Variants in EVA1C observed in about 807,000 individuals in gnomAD.
EVA1C encodes protein eva-1 homolog C.
A neutral mutation model predicts 45.4 loss-of-function variants in EVA1C; 25 were observed. That is an observed-to-expected ratio of 0.55 (90% CI 0.40 to 0.77). The LOEUF is 0.77. Ranked by LOEUF, EVA1C falls within the 30% of genes least tolerant of loss-of-function variation. The pLI is 0.00. For synonymous variants in EVA1C, 190 were observed against 221.2 expected, an observed-to-expected ratio of 0.86 and a Z score of 1.25; for missense variants, 479 against 554.8, an observed-to-expected ratio of 0.86 and a Z score of 1.37.
chr21:32,450,146 G>A (rs1211819928), intron 1 of EVA1C, among the ~76,000 whole-genome samples: 2 of 152,212 alleles, frequency 1.3e-5, no homozygotes, highest in African/African-American at 2.4e-5. Flanking sequence ...GGCATGGATT[G>A]GAGGCTCAGG....
intron 7 of EVA1C, among the ~76,000 whole-genome samples, chr21:32,511,419 C>CAAAAAAAAAAAA (rs749141703): frequency 1.5e-4 from 7 of 47,548 alleles, no homozygotes; most frequent in Admixed American, 2.9e-4. Context: ...AACTCCGTCT[C>CAAAAAAAAAAAA]AAAAAAAAAA....
intron 4 of EVA1C, among the ~76,000 whole-genome samples, chr21:32,491,060 A>T (rs1353197162): frequency 1.3e-5 from 2 of 152,236 alleles, no homozygotes; most frequent in Non-Finnish European, 2.9e-5. Context: ...GGTGAGAGCA[A>T]TACACAGAAC....
chr21:32,487,112 G>C (rs751719318), intron 4 of EVA1C, among the ~76,000 whole-genome samples: 2 of 152,142 alleles, frequency 1.3e-5, no homozygotes, highest in Non-Finnish European at 2.9e-5. Context: ...GAAGATGAAA[G>C]GAACGTCTTT....
chr21:32,415,269 A>G (rs762357268), intron 1 of EVA1C, among the ~76,000 whole-genome samples: 6 of 152,210 alleles, frequency 3.9e-5, no homozygotes, highest in African/African-American at 7.2e-5. Context: ...CCAGGGCTAG[A>G]GAGCAGTGTT....
intron 1 of EVA1C, among the ~76,000 whole-genome samples, chr21:32,428,179 T>C (rs1432424095): frequency 2.6e-5 from 4 of 152,336 alleles, no homozygotes; most frequent in African/African-American, 9.6e-5. Context: ...TGGAGGCGAC[T>C]TTCTGCTCAA....
chr21:32,446,883 A>T (rs2035381184), intron 1 of EVA1C, among the ~76,000 whole-genome samples: 1 of 151,954 alleles, frequency 6.6e-6, no homozygotes, highest in African/African-American at 2.4e-5. Flanking sequence ...CACTCCTCAA[A>T]CAACTCGTGG....
At position 32,496,644 on chromosome 21, in the gene EVA1C, C is replaced by T. The variant is rs139899680; in HGVS notation, c.778+1474C>T. On this transcript the variant is annotated intron_variant, in intron 5 of 7. Coordinates refer to ENST00000300255, the MANE Select transcript of EVA1C (RefSeq NM_058187.5). ...ATAGCTCCTCTGGTAGAATGGAGGA[C>T]GGTAGACTGGACACGGGTCACACTG... is the stretch of plus-strand genomic sequence containing the variant. Among the ~76,000 whole-genome samples the T allele has an allele frequency of 1.2e-4, 19 of 152,244 alleles. No homozygotes were observed. The South Asian group carries it at 2.1e-3, about 17-fold the overall frequency.
intron 1 of EVA1C, among the ~76,000 whole-genome samples, chr21:32,422,503 A>G (rs2034319341): frequency 6.6e-6 from 1 of 152,236 alleles, no homozygotes; most frequent in African/African-American, 2.4e-5. Context: ...AAGATAAATA[A>G]AATAAATTTA....
intron 3 of EVA1C, among the ~76,000 whole-genome samples, chr21:32,463,234 T>C (rs1441961029): frequency 1.3e-5 from 2 of 152,188 alleles, no homozygotes; most frequent in African/African-American, 4.8e-5. Context: ...ATTGCTCTTG[T>C]CATTTAAGCA....
At chr21:32,427,616 G>A (rs1312571708) in intron 1 of EVA1C, among the ~76,000 whole-genome samples, 1 of 152,064 alleles carries the variant, frequency 6.6e-6, no homozygotes, top group Non-Finnish European at 1.5e-5. Flanking sequence ...GGGAGGCTGA[G>A]GCAGGAGAAT....
intron 4 of EVA1C, among the ~76,000 whole-genome samples, chr21:32,475,326 C>T (rs1601365311): frequency 6.6e-6 from 1 of 150,400 alleles, no homozygotes; most frequent in Non-Finnish European, 1.5e-5. Flanking sequence ...AGAGCATTTC[C>T]AGTTCTTCTA....
intron 7 of EVA1C, among the ~76,000 whole-genome samples, chr21:32,510,676 G>T (rs112279042): frequency 0.01 from 1,527 of 152,246 alleles, 30 homozygotes; most frequent in African/African-American, 0.035. Flanking sequence ...TTCATCCCTG[G>T]TTTTCAGATA....
rs200568610 is a variant in EVA1C at position 32,415,583 on chromosome 21, A to AT, written c.160+2579dup. Among the ~76,000 whole-genome samples the AT allele has an allele frequency of 8.5e-4, 128 of 150,310 alleles. No individual in the cohort carries two copies. The East Asian group carries it at 0.015, about 18-fold the overall frequency. On this transcript the variant is annotated intron_variant, in intron 1 of 7. Coordinates refer to ENST00000300255, the MANE Select transcript of EVA1C (RefSeq NM_058187.5). ...CTGGTGTCGTTTTCCTGGGTCATTG[A>AT]TTTTTTTTTGCCCTCAGGGATTCCA... is the stretch of plus-strand genomic sequence containing the variant.
intron 1 of EVA1C, among the ~76,000 whole-genome samples, chr21:32,420,913 G>C (rs1296226093): frequency 6.6e-6 from 1 of 152,196 alleles, no homozygotes. Flanking sequence ...ATTACATGCA[G>C]TTTAAAGCAG....
At chr21:32,479,664 A>G (rs2036706553) in intron 4 of EVA1C, among the ~76,000 whole-genome samples, 1 of 152,098 alleles carries the variant, frequency 6.6e-6, no homozygotes, top group Non-Finnish European at 1.5e-5. Context: ...GAAAAGTGCA[A>G]AAGCAACCCA....
chr21:32,444,106 TTCTC>T (rs1299284963), intron 1 of EVA1C, among the ~76,000 whole-genome samples: 1 of 148,448 alleles, frequency 6.7e-6, no homozygotes, highest in East Asian at 2.0e-4. Flanking sequence ...TCAAAGTACT[TTCTC>T]TATTCTTTCA....
rs61744983 is a variant in EVA1C at position 32,495,137 on chromosome 21, G to A, written c.745G>A (p.Val249Met). The A allele has an allele frequency of 4.9e-4, 795 of 1,614,080 alleles. 4 individuals are homozygous for A. In the African/African-American group the frequency reaches 9.1e-3, roughly 18 times the overall value. ...HHFGSPCLPG[V>M]KKYLTVTYAC... ...TTTTGGAAGCCCCTGTTTGCCAGGC[G>A]TGAAAAAATACCTCACTGTGACCTA... Residue 249 changes from valine to methionine, a missense_variant, in exon 5 of 8, where the codon GTG becomes ATG. Physicochemically the swap from Val to Met is conservative, Grantham distance 21. Coordinates refer to ENST00000300255, the MANE Select transcript of EVA1C (RefSeq NM_058187.5).
In EVA1C at chr21:32,442,588, ATTAT is replaced by A. The variant is rs998652290; in HGVS notation, c.161-10721_161-10718del. Among the ~76,000 whole-genome samples the A allele has an allele frequency of 2.0e-5, 3 of 148,542 alleles. No homozygotes were observed. The Admixed American group carries it at 2.0e-4, about 10-fold the overall frequency. On this transcript the variant is annotated intron_variant, in intron 1 of 7. Coordinates refer to ENST00000300255, the MANE Select transcript of EVA1C (RefSeq NM_058187.5). ...CTTCAAACATGTAAAAACACCTTTTATTATTTGTTTATTTGTGAATACAAGGGTG... is the reference window on the plus strand; with the variant it reads ...CTTCAAACATGTAAAAACACCTTTTATTGTTTATTTGTGAATACAAGGGTG...
chr21:32,467,952 C>A, intron 4 of EVA1C, 104 bp downstream of exon 4: 1 of 710,142 alleles, frequency 1.4e-6, no homozygotes, highest in Non-Finnish European at 1.9e-6. Context: ...TTGTGAAAGT[C>A]AATACTTAAC....
Sources: allele counts gnomAD v4.1 joint callset (sites outside exome capture counted in the v4.1 genomes callset), GRCh38; gene constraint gnomAD v4.1.1; transcripts MANE v1.5; gene names NCBI Gene and HGNC (gene_info 2026-07-23, HGNC 2026-07-21).